Variants in RBPJ observed in about 807,000 individuals in gnomAD.
RBPJ encodes recombination signal binding protein for immunoglobulin kappa J region.
RBPJ carries 9 observed loss-of-function variants against 67.8 expected under a neutral mutation model. The observed-to-expected ratio is 0.13, with a 90% CI of 0.08 to 0.23. The LOEUF is 0.23. Among genes scored for constraint, RBPJ ranks in the 10% least tolerant of loss-of-function variants. RBPJ has a pLI of 1.00. For synonymous variants in RBPJ, 198 were observed against 203.3 expected (o/e 0.97, Z 0.22); for missense variants, 305 against 595.6 (o/e 0.51, Z 5.08).
At chr4:26,166,856 C>T (rs1317411506) in intron 1 of RBPJ, among the ~76,000 whole-genome samples, 3 of 152,052 alleles carry the variant, frequency 2.0e-5, no homozygotes, top group East Asian at 1.9e-4. Flanking sequence ...TTAGGTCTAA[C>T]GTTTAAGTCT....
intron 1 of RBPJ, among the ~76,000 whole-genome samples, chr4:26,305,766 C>CTTTTTTTTTTTTTTTTTTTT (rs1722212611): frequency 1.7e-5 from 1 of 57,662 alleles, no homozygotes; most frequent in Non-Finnish European, 3.5e-5. Flanking sequence ...TTAGAATTTT[C>CTTTTTTTTTTTTTTTTTTTT]TTTTCTTTTT....
intron 1 of RBPJ, among the ~76,000 whole-genome samples, chr4:26,302,580 A>G (rs1352473735): frequency 6.6e-6 from 1 of 152,174 alleles, no homozygotes; most frequent in African/African-American, 2.4e-5. Context: ...GGAGGAAGTG[A>G]CCCAGCAGGC....
At chr4:26,340,148 C>T (rs1271251165) in intron 1 of RBPJ, among the ~76,000 whole-genome samples, 1 of 152,090 alleles carries the variant, frequency 6.6e-6, no homozygotes, top group Non-Finnish European at 1.5e-5. Context: ...GAAGGTGATG[C>T]ATGCAACTGA....
chr4:26,172,993 T>C (rs1416048455), intron 1 of RBPJ, among the ~76,000 whole-genome samples: 2 of 152,226 alleles, frequency 1.3e-5, no homozygotes, highest in African/African-American at 2.4e-5. Context: ...AAGAATTAAC[T>C]GTCAGATTGT....
At chr4:26,406,083 TA>T in intron 2 of RBPJ, 91 bp from the exon 3 acceptor site, 1 of 742,516 alleles carries the variant, frequency 1.3e-6, no homozygotes, top group Non-Finnish European at 2.3e-6. Flanking sequence ...AAAATATTTA[TA>T]AGCATTCCTC....
chr4:26,324,363 A>C (rs1485075334), intron 1 of RBPJ, among the ~76,000 whole-genome samples: 2 of 150,916 alleles, frequency 1.3e-5, no homozygotes, highest in Non-Finnish European at 2.9e-5. Flanking sequence ...AGGGAAAGGG[A>C]CAAATAAAAC....
intron 1 of RBPJ, among the ~76,000 whole-genome samples, chr4:26,282,141 T>C (rs1333009113): frequency 2.0e-5 from 1 of 50,478 alleles, no homozygotes; most frequent in Non-Finnish European, 5.1e-5. Flanking sequence ...TCTCTCTTTT[T>C]TTTTTTTTTT....
At position 26,215,019 on chromosome 4, in the gene RBPJ, A is replaced by G. The variant is rs1718631459; in HGVS notation, c.-167+51405A>G. On this transcript the variant is annotated intron_variant, in intron 1 of 4. Coordinates refer to the RBPJ transcript ENST00000512351. ...GGGAGGGAAGGAAGGAAGGAGAGAA[A>G]GAAAGAAAGAAAAGAAAGAGGGAGG... 6.5e-5 allele frequency among the ~76,000 whole-genome samples: 4 copies of G among 61,626 alleles called. 1 individual carries two copies. The Admixed American group carries it at 7.1e-4, about 11-fold the overall frequency. The allele number at this position is 61,626 out of a possible 152,430, so 40.4% of individuals were successfully genotyped here. A position where few individuals can be genotyped will look rare whatever the true frequency, so the allele number is the denominator to read the frequency against.
intron 1 of RBPJ, among the ~76,000 whole-genome samples, chr4:26,164,388 A>G (rs1553844196): frequency 6.6e-6 from 1 of 152,224 alleles, no homozygotes; most frequent in Non-Finnish European, 1.5e-5. Context: ...TATATTAGGT[A>G]TTTCAGAAAC....
chr4:26,241,573 G>A (rs543053085), intron 1 of RBPJ, among the ~76,000 whole-genome samples: 2 of 151,944 alleles, frequency 1.3e-5, no homozygotes, highest in South Asian at 2.1e-4. Context: ...GTACAGTGGC[G>A]CGATCCCTGC....
chr4:26,205,718 G>A (rs1356820719), intron 1 of RBPJ, among the ~76,000 whole-genome samples: 1 of 152,080 alleles, frequency 6.6e-6, no homozygotes, highest in Non-Finnish European at 1.5e-5. Flanking sequence ...TCAGCCTCCT[G>A]AGTAGCTGGG....
chr4:26,335,903 A>G (rs1724782335), intron 1 of RBPJ, among the ~76,000 whole-genome samples: 2 of 151,972 alleles, frequency 1.3e-5, no homozygotes. Context: ...GATTACAGGC[A>G]TGAGCCACCA....
chr4:26,192,869 AG>A (rs1344947737), intron 1 of RBPJ, among the ~76,000 whole-genome samples: 6 of 152,186 alleles, frequency 3.9e-5, no homozygotes, highest in African/African-American at 1.4e-4. Flanking sequence ...ACGTCACCAA[AG>A]GGACTTTGCA....
At chr4:26,366,710 G>A (rs749554824) in intron 1 of RBPJ, among the ~76,000 whole-genome samples, 51 of 151,964 alleles carry the variant, frequency 3.4e-4, no homozygotes, top group Non-Finnish European at 5.4e-4. Flanking sequence ...ATGAGCCACC[G>A]CCCCCAGTCT....
intron 1 of RBPJ, among the ~76,000 whole-genome samples, chr4:26,230,342 C>A (rs1719234718): frequency 6.6e-6 from 1 of 152,166 alleles, no homozygotes; most frequent in African/African-American, 2.4e-5. Context: ...CTCATAAAAA[C>A]AAACCAGTGC....
At chr4:26,367,881 T>G (rs887496025) in intron 1 of RBPJ, 29 of 152,218 alleles carry the variant, frequency 1.9e-4, no homozygotes, top group Admixed American at 1.9e-3. Flanking sequence ...TAGAAAACAG[T>G]GAAAAGATGA....
At chr4:26,151,535 G>A in the RBPJ span, among the ~76,000 whole-genome samples, 1 of 152,146 alleles carries the variant, frequency 6.6e-6, no homozygotes, top group South Asian at 2.1e-4. Flanking sequence ...ACTTGGTCAT[G>A]GATATGATAT....
intron 1 of RBPJ, among the ~76,000 whole-genome samples, chr4:26,301,577 G>C (rs371349488): frequency 6.7e-6 from 1 of 148,938 alleles, no homozygotes; most frequent in Non-Finnish European, 1.5e-5. Context: ...GGGTGACAGA[G>C]CGAGACTCTG....
intron 1 of RBPJ, among the ~76,000 whole-genome samples, chr4:26,296,383 C>T (rs1270640056): frequency 6.6e-6 from 1 of 152,124 alleles, no homozygotes; most frequent in Non-Finnish European, 1.5e-5. Context: ...CATAAAGCTA[C>T]ATTCAACAGC....
Sources: allele counts gnomAD v4.1 joint callset (sites outside exome capture counted in the v4.1 genomes callset), GRCh38; gene constraint gnomAD v4.1.1; transcripts MANE v1.5; gene names NCBI Gene and HGNC (gene_info 2026-07-23, HGNC 2026-07-21).